CCND3: variants seen among roughly 807,000 people sequenced by gnomAD.
CCND3 encodes G1/S-specific cyclin-D3.
Under a neutral mutation model 28.7 loss-of-function variants are expected in CCND3, and 9 were observed. The observed-to-expected ratio is 0.31, with a 90% CI of 0.19 to 0.55. CCND3 has a LOEUF of 0.55. CCND3 is among the 20% of genes least tolerant of loss of function. The pLI, the probability that CCND3 is intolerant of heterozygous loss-of-function variation, is 0.93. For missense variants in CCND3, 315 were observed against 385.8 expected (o/e 0.82, Z 1.54); for synonymous variants, 164 against 163.9 (o/e 1.00, Z 0.00).
intron 1 of CCND3, among the ~76,000 whole-genome samples, chr6:41,958,000 C>CTTTTTT (rs536258560): frequency 0.029 from 3,644 of 126,966 alleles, 202 homozygotes; most frequent in African/African-American, 0.063. Flanking sequence ...TTATCTTTAT[C>CTTTTTT]TTTTTTTTTT....
intron 1 of CCND3, among the ~76,000 whole-genome samples, chr6:41,959,990 T>G (rs1761669191): frequency 6.6e-6 from 1 of 151,682 alleles, no homozygotes; most frequent in African/African-American, 2.4e-5. Context: ...CCAACATTTG[T>G]GGACATATGA....
upstream of CCND3, chr6:41,941,863 A>T (rs1285307817): frequency 8.2e-6 from 2 of 244,778 alleles, no homozygotes; most frequent in Non-Finnish European, 1.5e-5. This position sits in a 1 kb window ranked among gnomAD's most constrained non-coding sequence, Gnocchi z 6.1. Context: ...GGACGTCGCA[A>T]CGCTCCGAGG....
At chr6:41,950,407 C>A (rs1451911457) in intron 1 of CCND3, among the ~76,000 whole-genome samples, 1 of 152,168 alleles carries the variant, frequency 6.6e-6, no homozygotes, top group Admixed American at 6.6e-5. Flanking sequence ...GGTTGATGCC[C>A]AGCTCTGCTA....
intron 1 of CCND3, among the ~76,000 whole-genome samples, chr6:42,037,812 C>A (rs932078784): frequency 1.3e-5 from 2 of 151,772 alleles, no homozygotes; most frequent in Non-Finnish European, 2.9e-5. Flanking sequence ...GCGGACGGAT[C>A]ATGAGGTCAG....
intron 1 of CCND3, among the ~76,000 whole-genome samples, chr6:42,047,586 G>T (rs1330804379): frequency 1.3e-5 from 2 of 152,162 alleles, no homozygotes; most frequent in East Asian, 3.8e-4. Context: ...CCTCCCAGCT[G>T]TACCCAGCTG....
intron 1 of CCND3, among the ~76,000 whole-genome samples, chr6:41,996,987 T>G (rs1213959148): frequency 2.0e-5 from 3 of 152,168 alleles, no homozygotes; most frequent in Non-Finnish European, 4.4e-5. Flanking sequence ...TATATCCTGC[T>G]GCCCACCCCC....
intron 1 of CCND3, among the ~76,000 whole-genome samples, chr6:42,024,857 G>A (rs28437315): frequency 7.2e-5 from 11 of 152,128 alleles, no homozygotes; most frequent in Admixed American, 2.0e-4. Flanking sequence ...TCAGGAGTTC[G>A]AGACCAGCCT....
At chr6:41,937,063 A>G in intron 3 of CCND3, 172 bp downstream of exon 3, 2 of 696,768 alleles carry the variant, frequency 2.9e-6, no homozygotes, top group South Asian at 3.6e-5. Context: ...GGGGTCTGAG[A>G]TCCCATATAG....
chr6:42,005,794 A>G lies in CCND3; in HGVS notation c.-46+42707T>C, dbSNP rs577518851. On this transcript the variant is annotated intron_variant, in intron 1 of 4. Coordinates refer to the CCND3 transcript ENST00000372988. The stretch of plus-strand genomic sequence containing the variant: ...CACCTCCCAGATTCAGGCGATTCTC[A>G]TGCCTCAGCCTCGCAAGCAGCTGGG... Among the ~76,000 whole-genome samples, 24 of 151,934 alleles carry G rather than the reference A, an allele frequency of 1.6e-4. 1 individual carries two copies. The East Asian group carries it at 4.7e-3, about 30-fold the overall frequency.
intron 1 of CCND3, among the ~76,000 whole-genome samples, chr6:41,996,608 T>C (rs1011224419): frequency 2.6e-5 from 4 of 152,060 alleles, no homozygotes; most frequent in African/African-American, 9.7e-5. Flanking sequence ...TAGTTTATAG[T>C]GTATTTATTA....
Position 41,936,225 on chromosome 6 carries a change from C to A in CCND3, c.712-118G>T. 8.9e-7 allele frequency: 1 copy of A among 1,129,258 alleles called. No individual in the cohort carries two copies. The highest frequency in any genetic ancestry group is 1.6e-5 in the South Asian group (1 of 63,014). The allele number at this position is 1,129,258 out of a possible 1,614,324, so 70.0% of individuals were successfully genotyped here. A position where few individuals can be genotyped will look rare whatever the true frequency, so the allele number is the denominator to read the frequency against. ...AGTCTGGGGAGGTTAGGCCACAGCC[C>A]GGCCCCAGGAATCGCTCTTTAGTTC... On this transcript the variant is annotated intron_variant, in intron 4 of 4. Transcript: ENST00000372991. The surrounding 1 kb of genome is among the most constrained non-coding windows in gnomAD (Gnocchi z 4.4).
chr6:42,031,852 C>T (rs1015015486), intron 1 of CCND3, among the ~76,000 whole-genome samples: 31 of 148,018 alleles, frequency 2.1e-4, no homozygotes, highest in African/African-American at 7.6e-4. Flanking sequence ...TGCAACGGCG[C>T]GATCTCAGCT....
intron 1 of CCND3, among the ~76,000 whole-genome samples, chr6:42,024,508 G>C (rs1016426468): frequency 6.6e-6 from 1 of 152,148 alleles, no homozygotes; most frequent in Non-Finnish European, 1.5e-5. Flanking sequence ...CCTGCATCTT[G>C]TGAGGATCTC....
In CCND3 at chr6:41,941,309, G is replaced by T; in HGVS notation, c.198+143C>A. On this transcript the variant is annotated intron_variant, in intron 1 of 4. Coordinates refer to ENST00000372991, the MANE Select transcript of CCND3 (RefSeq NM_001760.5). This position sits in a 1 kb window ranked among gnomAD's most constrained non-coding sequence, Gnocchi z 6.1. ...AGCAAGGGAGGCAGCTGGCGTGGGT[G>T]CCCTAGTGAAAGGCCAGGCCCCGGG... The T allele has an allele frequency of 6.8e-7, 1 of 1,464,886 alleles. No homozygotes were observed. The highest frequency in any genetic ancestry group is 9.0e-7 in the Non-Finnish European group (1 of 1,110,644). The allele number at this position is 1,464,886 out of a possible 1,614,324, so 90.7% of individuals were successfully genotyped here.
intron 1 of CCND3, among the ~76,000 whole-genome samples, chr6:41,964,192 G>A (rs182858295): frequency 4.6e-5 from 7 of 152,220 alleles, no homozygotes; most frequent in Non-Finnish European, 8.8e-5. Context: ...ACCCAGAGAT[G>A]CCCAAGAGGT....
intron 1 of CCND3, among the ~76,000 whole-genome samples, chr6:42,016,494 T>G (rs1421588220): frequency 6.6e-6 from 1 of 152,038 alleles, no homozygotes; most frequent in Non-Finnish European, 1.5e-5. Flanking sequence ...TCACTGACAG[T>G]TGGGAAGTAT....
chr6:41,973,827 T>C (rs1322115047), intron 1 of CCND3, among the ~76,000 whole-genome samples: 1 of 152,206 alleles, frequency 6.6e-6, no homozygotes, highest in Non-Finnish European at 1.5e-5. Flanking sequence ...AAACAGGATA[T>C]ACCACACAGG....
At chr6:42,034,653 G>A (rs1229520527) in intron 1 of CCND3, among the ~76,000 whole-genome samples, 2 of 150,678 alleles carry the variant, frequency 1.3e-5, no homozygotes, top group South Asian at 2.1e-4. Context: ...ATCTGTGTGT[G>A]TATTTTAGTA....
intron 1 of CCND3, among the ~76,000 whole-genome samples, chr6:42,031,847 C>T (rs983560875): frequency 4.2e-5 from 6 of 141,748 alleles, no homozygotes; most frequent in African/African-American, 1.4e-4. Flanking sequence ...CAGAGTGCAA[C>T]GGCGCGATCT....
Sources: gnomAD v4.1 joint callset for allele counts (sites outside exome capture counted in the v4.1 genomes callset) on GRCh38, gnomAD v4.1.1 for gene constraint, Gnocchi (gnomAD v3.1) non-coding constraint, MANE v1.5 for transcripts, NCBI Gene and HGNC (gene_info 2026-07-23, HGNC 2026-07-21) for gene names.